Variants in PPFIA1 observed in about 807,000 individuals in gnomAD.
PPFIA1 encodes liprin-alpha-1.
A neutral mutation model predicts 149.9 loss-of-function variants in PPFIA1; 25 were observed. That is an observed-to-expected ratio of 0.17 (90% CI 0.12 to 0.23). The LOEUF is 0.23. Among genes scored for constraint, PPFIA1 ranks in the 10% least tolerant of loss-of-function variants. The probability of loss-of-function intolerance (pLI) is 1.00; values close to 1 mark genes in which losing one functional copy is unlikely to be tolerated. For missense variants in PPFIA1, 1,362 were observed against 1,506.5 expected, an observed-to-expected ratio of 0.90 and a Z score of 1.59; for synonymous variants, 549 against 552.8, an observed-to-expected ratio of 0.99 and a Z score of 0.10.
At chr11:70,347,809 C>T (rs1245328033) in intron 15 of PPFIA1, among the ~76,000 whole-genome samples, 2 of 152,056 alleles carry the variant, frequency 1.3e-5, no homozygotes, top group African/African-American at 2.4e-5. Flanking sequence ...CGAGACCAGC[C>T]TGGCCAACAT....
At chr11:70,292,868 C>G (rs981711311) in intron 2 of PPFIA1, among the ~76,000 whole-genome samples, 2 of 152,228 alleles carry the variant, frequency 1.3e-5, no homozygotes, top group Non-Finnish European at 2.9e-5. Flanking sequence ...CTTCAGACCC[C>G]TCTGCCCCCT....
At chr11:70,373,761 A>G (rs1434555263) in intron 23 of PPFIA1, 2 of 152,216 alleles carry the variant, frequency 1.3e-5, no homozygotes, top group Admixed American at 6.5e-5. Flanking sequence ...ACTAAGAAAG[A>G]AACTAAGGAT....
intron 2 of PPFIA1, among the ~76,000 whole-genome samples, chr11:70,280,957 T>G (rs1415401046): frequency 6.6e-6 from 1 of 152,210 alleles, no homozygotes; most frequent in Non-Finnish European, 1.5e-5. Flanking sequence ...GCCCATAGAT[T>G]GAGTTCTTAA....
intron 19 of PPFIA1, 41 bp downstream of exon 19, chr11:70,356,295 C>T: frequency 2.0e-6 from 3 of 1,474,742 alleles, no homozygotes; most frequent in South Asian, 2.3e-5. Context: ...GAATGGTTTT[C>T]AGTTGTGCCT....
intron 21 of PPFIA1, among the ~76,000 whole-genome samples, chr11:70,363,863 AT>A (rs1284334256): frequency 6.6e-6 from 1 of 152,036 alleles, no homozygotes; most frequent in East Asian, 1.9e-4. Context: ...GATACTTGTT[AT>A]CCCACCGTCA....
Position 70,325,439 on chromosome 11 carries a change from A to G in PPFIA1, c.532-61A>G. The G allele has an allele frequency of 2.7e-6, 3 of 1,117,774 alleles. No homozygotes were observed. In the South Asian group the frequency reaches 4.1e-5, roughly 15 times the overall value. The allele number at this position is 1,117,774 out of a possible 1,614,324, so 69.2% of individuals were successfully genotyped here. On this transcript the variant is annotated intron_variant, in intron 4 of 27. Coordinates refer to ENST00000253925, the MANE Select transcript of PPFIA1 (RefSeq NM_003626.5). ...GTGTATATATTACACTTAACTATATATTAAGAATAAAATAAACAGTATACA... is the reference window on the plus strand; with the variant it reads ...GTGTATATATTACACTTAACTATATGTTAAGAATAAAATAAACAGTATACA...
At chr11:70,381,579 C>G (rs143147003) in intron 26 of PPFIA1, among the ~76,000 whole-genome samples, 67 of 152,312 alleles carry the variant, frequency 4.4e-4, no homozygotes, top group Non-Finnish European at 9.1e-4. Flanking sequence ...AGACACCCAG[C>G]TAGTGCTGGG....
chr11:70,357,836 C>G (rs2056431661), intron 19 of PPFIA1, among the ~76,000 whole-genome samples: 1 of 152,172 alleles, frequency 6.6e-6, no homozygotes, highest in African/African-American at 2.4e-5. Flanking sequence ...ATCTGCCCGC[C>G]TCAGCCTCCC....
chr11:70,320,393 C>T (rs1171983028), intron 2 of PPFIA1, among the ~76,000 whole-genome samples: 1 of 150,728 alleles, frequency 6.6e-6, no homozygotes, highest in African/African-American at 2.4e-5. Flanking sequence ...GTAAGGGTAA[C>T]AGGGACTAAA....
In PPFIA1 at chr11:70,378,166, C is replaced by T. The variant is rs761127513; in HGVS notation, c.3521C>T (p.Ser1174Phe). The T allele has an allele frequency of 6.2e-7, 1 of 1,614,138 alleles. No homozygotes were observed. The highest frequency in any genetic ancestry group is 1.3e-5 in the African/African-American group (1 of 75,042). Residue 1174 changes from serine (S) to phenylalanine (F), a missense_variant, in exon 26 of 28, where the codon TCT becomes TTT. Ser to Phe is a radical substitution (Grantham distance 155). This residue lies in a region of PPFIA1 where 349 missense variants were observed against 373.3 expected (regional missense o/e 0.93). Transcript: ENST00000253925. ...GTGACTTCTTCTATGTCTTCCCCCT[C>T]TATGCAGCCAAAGAAGATGCAGATG... ...FRVTSSMSSPSMQPKKMQMDG... is the reference protein window; with the variant it reads ...FRVTSSMSSPFMQPKKMQMDG...
chr11:70,339,993 C>G (rs7114200), intron 14 of PPFIA1, among the ~76,000 whole-genome samples: 1 of 151,856 alleles, frequency 6.6e-6, no homozygotes, highest in East Asian at 1.9e-4. Context: ...GCCTGGGCTA[C>G]AAGAGTGAAA....
At chr11:70,296,761 G>T in intron 2 of PPFIA1, among the ~76,000 whole-genome samples, 1 of 142,408 alleles carries the variant, frequency 7.0e-6, no homozygotes, top group Admixed American at 7.0e-5. Flanking sequence ...GAGGGAGGGA[G>T]GGGGAGGGAG....
rs367819854 is a variant in PPFIA1, at chr11:70,273,455, A to T, written c.264+1019A>T. On this transcript the variant is annotated intron_variant, in intron 2 of 27. Coordinates refer to ENST00000253925, the MANE Select transcript of PPFIA1 (RefSeq NM_003626.5). ...ATAGTGGGAGAGAAGTGGGTTATTTATGTGTTTCAGAGCTGTCTAGGCGCC... is the reference window on the plus strand; with the variant it reads ...ATAGTGGGAGAGAAGTGGGTTATTTTTGTGTTTCAGAGCTGTCTAGGCGCC... Among the ~76,000 whole-genome samples, 3 of 152,238 alleles carry T rather than the reference A, an allele frequency of 2.0e-5. No homozygotes were observed. The East Asian group carries it at 5.8e-4, about 29-fold the overall frequency.
At chr11:70,283,397 C>G (rs927453124) in intron 2 of PPFIA1, among the ~76,000 whole-genome samples, 13 of 152,164 alleles carry the variant, frequency 8.5e-5, no homozygotes, top group Non-Finnish European at 1.2e-4. Flanking sequence ...TTGCCAGTCT[C>G]TCTCCCAATC....
intron 15 of PPFIA1, among the ~76,000 whole-genome samples, chr11:70,347,577 A>G (rs948710019): frequency 1.3e-5 from 2 of 152,160 alleles, no homozygotes; most frequent in Non-Finnish European, 2.9e-5. Context: ...GTGGTAGTGC[A>G]TACCTGTTGC....
intron 23 of PPFIA1, among the ~76,000 whole-genome samples, chr11:70,373,064 A>T (rs145218167): frequency 2.0e-4 from 31 of 152,242 alleles, no homozygotes; most frequent in African/African-American, 7.5e-4. Flanking sequence ...AAGGAGGAGG[A>T]GCTGCTTAGG....
intron 2 of PPFIA1, among the ~76,000 whole-genome samples, chr11:70,298,176 A>G (rs1308463564): frequency 6.6e-6 from 1 of 152,184 alleles, no homozygotes; most frequent in East Asian, 1.9e-4. Context: ...ATCACTGCCC[A>G]TGTTACTTTT....
At chr11:70,368,569 T>C (rs1021652355) in intron 21 of PPFIA1, among the ~76,000 whole-genome samples, 15 of 152,242 alleles carry the variant, frequency 9.9e-5, no homozygotes, top group African/African-American at 2.9e-4. Flanking sequence ...TTTTTCATTG[T>C]ACACATTTTG....
intron 4 of PPFIA1, 148 bp downstream of exon 4, chr11:70,325,159 G>A (rs2054183356): frequency 2.8e-6 from 2 of 720,586 alleles, no homozygotes; most frequent in African/African-American, 1.8e-5. Context: ...GGTTTAAAAA[G>A]TACTAATTGG....
Sources: allele counts gnomAD v4.1 joint callset (sites outside exome capture counted in the v4.1 genomes callset), GRCh38; gene constraint gnomAD v4.1.1; regional missense constraint gnomAD v4.1.1; transcripts MANE v1.5; gene names NCBI Gene and HGNC (gene_info 2026-07-23, HGNC 2026-07-21).